The following LIPN variants were observed in gnomAD, a reference collection of about 807,000 sequenced individuals.
The protein encoded by LIPN is lipase member N.
Under a neutral mutation model 43.7 loss-of-function variants are expected in LIPN, and 32 were observed. That is an observed-to-expected ratio of 0.73 (90% CI 0.55 to 0.98). The LOEUF (loss-of-function observed/expected upper bound fraction) is 0.98. LIPN is among the 50% of genes least tolerant of loss of function. The pLI, the probability that LIPN is intolerant of heterozygous loss-of-function variation, is 0.00. For synonymous variants in LIPN, 156 were observed against 157.6 expected (o/e 0.99, Z 0.08); for missense variants, 505 against 483.8 (o/e 1.04, Z -0.41).
Position 88,768,800 on chromosome 10 carries a change from G to T in LIPN, c.544G>T (p.Ala182Ser), listed in dbSNP as rs1198596364. The T allele has an allele frequency of 2.5e-6, 4 of 1,611,092 alleles. No homozygotes were observed. The South Asian group carries it at 4.4e-5, about 18-fold the overall frequency. The change falls in exon 6 of 10, where the codon GCC (alanine) becomes TCC (serine). Residue 182 changes from alanine to serine, a missense_variant. Transcript: ENST00000404459. ...ATCTCCTGTTCTCTCAGGGTTTGTAGCCTTTTCCACCATGCCTGAACTGGC... is the reference window on the plus strand; with the variant it reads ...ATCTCCTGTTCTCTCAGGGTTTGTATCCTTTTCCACCATGCCTGAACTGGC... ...HSLGTTIGFV[A>S]FSTMPELAQR...
rs1252366565 is a variant in LIPN, at chr10:88,770,913, C to T, written c.741C>T (p.Cys247=). Residue 247 remains cysteine (C), a synonymous_variant, in exon 7 of 10, where the codon TGC becomes TGT. Transcript: ENST00000404459. Reference sequence around the variant, plus strand: ...CGAAGATAGCTTCTACCAAAATCTGCAACAATAAGATACTCTGGTTGATAT... The same window carrying T: ...CGAAGATAGCTTCTACCAAAATCTGTAACAATAAGATACTCTGGTTGATAT... The part of the protein sequence containing the change: ...KKTKIASTKI[C]NNKILWLICS... The T allele has an allele frequency of 1.1e-5, 17 of 1,550,580 alleles. No individual in the cohort carries two copies. Among genetic ancestry groups the T allele is most frequent in the Non-Finnish European group, 1.1e-5 (13 of 1,144,722 alleles).
At chr10:88,761,261 ATTCCTTTTT>A (rs1842990865) in intron 1 of LIPN, 128 bp from the exon 2 acceptor site, 3 of 631,980 alleles carry the variant, frequency 4.7e-6, no homozygotes, top group Non-Finnish European at 8.5e-6. Flanking sequence ...CACTGTATTT[ATTCCTTTTT>A]ATACATTATC....
At chr10:88,764,386 T>C in intron 3 of LIPN, 24 bp from the exon 4 acceptor site, 3 of 1,577,226 alleles carry the variant, frequency 1.9e-6, no homozygotes, top group Non-Finnish European at 2.6e-6. Flanking sequence ...TCTCCCTCTC[T>C]CATCTTACCC....
intron 2 of LIPN, among the ~76,000 whole-genome samples, chr10:88,761,718 GCTATCTATCTATCTATCTATCTAT>G (rs71022539): frequency 1.4e-5 from 2 of 145,874 alleles, no homozygotes; most frequent in African/African-American, 2.5e-5. Context: ...GTGCTATTGT[GCTATCTATCTATCTATCTATCTAT>G]CTATCTATCT....
chr10:88,775,247 G>C, intron 9 of LIPN, 84 bp downstream of exon 9: 1 of 893,158 alleles, frequency 1.1e-6, no homozygotes. Flanking sequence ...ACTCCTACCT[G>C]TCATTTGGTG....
rs190080629 is a variant in LIPN at position 88,767,861 on chromosome 10, G to A, written c.536-931G>A. Among the ~76,000 whole-genome samples, 137 of 151,792 alleles carry A rather than the reference G, an allele frequency of 9.0e-4. 2 individuals carry two copies. In the South Asian group the frequency reaches 0.014, roughly 15 times the overall value. ...CATTAAACAGGGCTCTGCAGTCAGCGTGACCCTCAAAAATCTCACCTCCAC... is the reference window on the plus strand; with the variant it reads ...CATTAAACAGGGCTCTGCAGTCAGCATGACCCTCAAAAATCTCACCTCCAC... On this transcript the variant is annotated intron_variant, in intron 5 of 9. Transcript: ENST00000404459.
chr10:88,767,028 A>G (rs1843113564), intron 5 of LIPN, among the ~76,000 whole-genome samples: 1 of 151,960 alleles, frequency 6.6e-6, no homozygotes, highest in Non-Finnish European at 1.5e-5. Context: ...TTACTTTACA[A>G]TTTACTTTCC....
At chr10:88,777,776 C>T (rs1399200427) in intron 9 of LIPN, among the ~76,000 whole-genome samples, 1 of 151,998 alleles carries the variant, frequency 6.6e-6, no homozygotes, top group Non-Finnish European at 1.5e-5. Context: ...GCCTTTTTTT[C>T]CATTTTATTT....
chr10:88,773,237 G>A (rs1285450687), intron 7 of LIPN, among the ~76,000 whole-genome samples: 2 of 151,820 alleles, frequency 1.3e-5, no homozygotes, highest in African/African-American at 2.4e-5. Context: ...TGAAGACTGG[G>A]GAAGTGAATA....
chr10:88,770,951 T>C lies in LIPN; in HGVS notation c.779T>C (p.Met260Thr), dbSNP rs1315187687. 1.9e-6 allele frequency: 3 copies of C among 1,570,580 alleles called. No homozygotes were observed. The highest frequency in any genetic ancestry group is 1.7e-6 in the Non-Finnish European group (2 of 1,155,726). ...CTCTGGTTGATATGTAGCGAATTTA[T>C]GTCCTTATGGGCTGGATCCAACAAG... Reference protein sequence around the residue: ...KILWLICSEFMSLWAGSNKKN... With the variant: ...KILWLICSEFTSLWAGSNKKN... The change falls in exon 7 of 10, where the codon ATG becomes ACG. Residue 260 changes from methionine to threonine, a missense_variant. Physicochemically the swap from Met to Thr is moderately conservative, Grantham distance 81. Coordinates refer to ENST00000404459, the MANE Select transcript of LIPN (RefSeq NM_001102469.2).
At chr10:88,776,512 G>A (rs546281600) in intron 9 of LIPN, among the ~76,000 whole-genome samples, 9 of 152,018 alleles carry the variant, frequency 5.9e-5, no homozygotes, top group South Asian at 2.1e-4. Flanking sequence ...GCTCCAAGCC[G>A]GTCCTATTTT....
rs890150846 is a variant in LIPN, at chr10:88,774,136, G to A, written c.820-337G>A. 5.9e-5 allele frequency among the ~76,000 whole-genome samples: 9 copies of A among 152,086 alleles called. No individual in the cohort carries two copies. The South Asian group carries it at 8.3e-4, about 14-fold the overall frequency. ...AATCTGTGACAGTGCACCTGGGTGC[G>A]CATGCATGCATCACCCCCACACTTG... is the stretch of plus-strand genomic sequence containing the variant. On this transcript the variant is annotated intron_variant, in intron 7 of 9. Transcript: ENST00000404459.
rs529432535 is a variant in LIPN, at chr10:88,764,171, T to C, written c.227-239T>C. On this transcript the variant is annotated intron_variant, in intron 3 of 9. Coordinates refer to ENST00000404459, the MANE Select transcript of LIPN (RefSeq NM_001102469.2). ...CAAGAATTTAGTAAGCTAATACATA[T>C]AAATACGTCAACATAGCACCAGGTA... is the stretch of plus-strand genomic sequence containing the variant. Among the ~76,000 whole-genome samples the C allele has an allele frequency of 2.6e-5, 4 of 152,100 alleles. No homozygotes were observed. In the South Asian group the frequency reaches 8.3e-4, roughly 32 times the overall value.
chr10:88,765,954 G>A (rs1297226254), intron 4 of LIPN, among the ~76,000 whole-genome samples: 1 of 151,904 alleles, frequency 6.6e-6, no homozygotes, highest in Non-Finnish European at 1.5e-5. Context: ...GTCAGAAGTA[G>A]AGGCACACAA....
chr10:88,762,169 C>A lies in LIPN; in HGVS notation c.109-19C>A. 1 of 1,328,190 alleles carries A rather than the reference C, an allele frequency of 7.5e-7. No individual in the cohort carries two copies. The highest frequency in any genetic ancestry group is 1.1e-6 in the Non-Finnish European group (1 of 929,786). 82.3% of individuals were successfully genotyped at this position (1,328,190 alleles called of 1,614,324 possible). ...TCCTTTGGAGAAGTTCCACTAACGA[C>A]TGTATTTTTACTGGGCAGAGTGAAA... On this transcript the variant is annotated intron_variant, in intron 2 of 9. Coordinates refer to ENST00000404459, the MANE Select transcript of LIPN (RefSeq NM_001102469.2).
chr10:88,776,150 G>T (rs1047614043), intron 9 of LIPN, among the ~76,000 whole-genome samples: 1 of 151,720 alleles, frequency 6.6e-6, no homozygotes, highest in Non-Finnish European at 1.5e-5. Flanking sequence ...ACCACTAAAA[G>T]TTTTTTTCCT....
At position 88,770,742 on chromosome 10, in the gene LIPN, T is replaced by C. The variant is rs535721628; in HGVS notation, c.673-103T>C. On this transcript the variant is annotated intron_variant, in intron 6 of 9. Transcript: ENST00000404459. ...GGGCTTGTTGTCCTTGTTGTTGCTA[T>C]TGAGTTGAGCTCCTTATATATTCTG... 3.4e-5 allele frequency: 22 copies of C among 650,442 alleles called. No homozygotes were observed. The African/African-American group carries it at 4.1e-4, about 12-fold the overall frequency. 40.3% of individuals were successfully genotyped at this position (650,442 alleles called of 1,614,324 possible).
intron 4 of LIPN, among the ~76,000 whole-genome samples, chr10:88,765,472 G>A (rs1843078523): frequency 6.6e-6 from 1 of 151,848 alleles, no homozygotes; most frequent in African/African-American, 2.4e-5. Flanking sequence ...TAGTCTTTAG[G>A]AGGTGTCACA....
chr10:88,758,671 C>G (rs1198561990), upstream of LIPN, among the ~76,000 whole-genome samples: 1 of 151,272 alleles, frequency 6.6e-6, no homozygotes, highest in Non-Finnish European at 1.5e-5. Context: ...AGTGATGGAG[C>G]ATTGTGAGAA....
Sources: gnomAD v4.1 joint callset for allele counts (sites outside exome capture counted in the v4.1 genomes callset) on GRCh38, gnomAD v4.1.1 for gene constraint, MANE v1.5 for transcripts, NCBI Gene and HGNC (gene_info 2026-07-23, HGNC 2026-07-21) for gene names.